The following NRG2 variants were observed in gnomAD, a reference collection of about 807,000 sequenced individuals.
The protein encoded by NRG2 is pro-neuregulin-2, membrane-bound isoform.
A neutral mutation model predicts 73.9 loss-of-function variants in NRG2; 27 were observed. The ratio of observed to expected loss-of-function variants is 0.37; its 90% CI spans 0.27 to 0.50. NRG2 has a LOEUF of 0.50. NRG2 is among the 20% of genes least tolerant of loss of function. NRG2 has a pLI of 0.96. For synonymous variants in NRG2, 532 were observed against 541.0 expected (o/e 0.98, Z 0.23); for missense variants, 1,126 against 1,210.1 (o/e 0.93, Z 1.03).
Position 139,872,876 on chromosome 5 carries a change from C to T in NRG2, c.992-1035G>A, listed in dbSNP as rs140564089. 8.5e-5 allele frequency among the ~76,000 whole-genome samples: 13 copies of T among 152,336 alleles called. No individual in the cohort carries two copies. In the East Asian group the frequency reaches 2.5e-3, roughly 29 times the overall value. On this transcript the variant is annotated intron_variant, in intron 3 of 9. Coordinates refer to ENST00000361474, the MANE Select transcript of NRG2 (RefSeq NM_004883.3). ...CCAATCCGGACTGGACAGCCAGAAGCAGGTCCTGCTCCCCTCAGCTCCCAG... is the reference window on the plus strand; with the variant it reads ...CCAATCCGGACTGGACAGCCAGAAGTAGGTCCTGCTCCCCTCAGCTCCCAG...
chr5:139,961,003 A>G (rs1268846054), intron 1 of NRG2, among the ~76,000 whole-genome samples: 2 of 152,164 alleles, frequency 1.3e-5, no homozygotes, highest in Non-Finnish European at 2.9e-5. Context: ...AGTAATATGA[A>G]GATAATAGAA....
chr5:139,869,950 C>G lies in NRG2; in HGVS notation c.1112+1771G>C, dbSNP rs1025745613. Among the ~76,000 whole-genome samples the G allele has an allele frequency of 1.3e-5, 2 of 152,194 alleles. No individual in the cohort carries two copies. The highest frequency in any genetic ancestry group is 6.5e-5 in the Admixed American group (1 of 15,284). The stretch of plus-strand genomic sequence containing the variant: ...TGGCACCTGTCCTGAGGGGCCAGAA[C>G]CTTCCCTGCCCGGACGAGGGCTGAC... On this transcript the variant is annotated intron_variant, in intron 4 of 9. Coordinates refer to ENST00000361474, the MANE Select transcript of NRG2 (RefSeq NM_004883.3). The surrounding 1 kb of genome is among the most constrained non-coding windows in gnomAD (Gnocchi z 4.5).
chr5:139,984,728 C>T (rs1193135547), intron 1 of NRG2, among the ~76,000 whole-genome samples: 1 of 152,128 alleles, frequency 6.6e-6, no homozygotes, highest in Non-Finnish European at 1.5e-5. Flanking sequence ...GGAAGTTAGC[C>T]CATTTTATAG....
chr5:139,848,777 G>GCC, intron 9 of NRG2, 80 bp from the exon 10 acceptor site: 1 of 673,752 alleles, frequency 1.5e-6, no homozygotes, highest in Non-Finnish European at 2.1e-6. Flanking sequence ...GGGGTAGGGT[G>GCC]GGAGGGGCGG....
chr5:140,009,518 A>C (rs1317720420), intron 1 of NRG2, among the ~76,000 whole-genome samples: 1 of 152,220 alleles, frequency 6.6e-6, no homozygotes, highest in Non-Finnish European at 1.5e-5. Context: ...GAAAATACCA[A>C]AGAATGAAAT....
At chr5:140,034,284 G>A (rs1761351761) in intron 1 of NRG2, among the ~76,000 whole-genome samples, 1 of 151,832 alleles carries the variant, frequency 6.6e-6, no homozygotes, top group African/African-American at 2.4e-5. Flanking sequence ...CTAAACCCGG[G>A]TCCATCCAGA....
In NRG2 at chr5:139,868,151, A is replaced by G. The variant is rs1033805603; in HGVS notation, c.1113-2526T>C. 4.6e-5 allele frequency among the ~76,000 whole-genome samples: 7 copies of G among 152,118 alleles called. No homozygotes were observed. Among genetic ancestry groups the G allele is most frequent in the Non-Finnish European group, 5.9e-5 (4 of 68,000 alleles). ...GCACAGTGGGGGTGGTGGAAGGCTG[A>G]CAGCTACTGCTGTTCTTTGGGGTGC... is the stretch of plus-strand genomic sequence containing the variant. On this transcript the variant is annotated intron_variant, in intron 4 of 9. Transcript: ENST00000361474. This position sits in a 1 kb window ranked among gnomAD's most constrained non-coding sequence, Gnocchi z 4.2.
At chr5:140,039,310 G>T (rs2126710287) in intron 1 of NRG2, among the ~76,000 whole-genome samples, 1 of 152,210 alleles carries the variant, frequency 6.6e-6, no homozygotes, top group South Asian at 2.1e-4. Flanking sequence ...TTATAACATT[G>T]TACAGAATTG....
At chr5:139,956,130 A>G (rs1291312673) in intron 1 of NRG2, among the ~76,000 whole-genome samples, 1 of 152,122 alleles carries the variant, frequency 6.6e-6, no homozygotes. Flanking sequence ...TGTGTGCCTC[A>G]GGTCAGCAAC....
chr5:140,042,338 C>G (rs776436189), intron 1 of NRG2, 32 bp downstream of exon 1: 28 of 1,469,742 alleles, frequency 1.9e-5, no homozygotes, highest in Middle Eastern at 2.2e-4. Context: ...GCCCCTCCCC[C>G]CTTTCTCCAG....
rs536446805 is a variant in NRG2 at position 139,873,207 on chromosome 5, A to G, written c.992-1366T>C. 5.3e-5 allele frequency among the ~76,000 whole-genome samples: 8 copies of G among 152,206 alleles called. No individual in the cohort carries two copies. In the South Asian group the frequency reaches 1.7e-3, roughly 32 times the overall value. ...GGGCCGGCTTCACCATCCCCTCCAC[A>G]TCATGCCTGCTGCTGAGCTGGCATC... On this transcript the variant is annotated intron_variant, in intron 3 of 9. Coordinates refer to ENST00000361474, the MANE Select transcript of NRG2 (RefSeq NM_004883.3).
chr5:139,930,430 G>C (rs1044166243), intron 1 of NRG2, among the ~76,000 whole-genome samples: 1 of 152,180 alleles, frequency 6.6e-6, no homozygotes, highest in African/African-American at 2.4e-5. Flanking sequence ...GCAGGTGTAA[G>C]GTATGCTTGG....
Position 139,887,271 on chromosome 5 carries a change from T to C in NRG2, c.872+69A>G. The C allele has an allele frequency of 1.9e-6, 3 of 1,570,104 alleles. No homozygotes were observed. The highest frequency in any genetic ancestry group is 2.6e-6 in the Non-Finnish European group (3 of 1,149,570). The stretch of plus-strand genomic sequence containing the variant: ...GGCACAGCCCTGGCCTCTGCCCAGT[T>C]CAGGCCACTCCTTCTCGAGAGGAGG... On this transcript the variant is annotated intron_variant, in intron 2 of 9. Transcript: ENST00000361474. The surrounding 1 kb of genome is among the most constrained non-coding windows in gnomAD (Gnocchi z 4.5).
At chr5:139,937,813 C>T (rs549046761) in intron 1 of NRG2, among the ~76,000 whole-genome samples, 5 of 152,134 alleles carry the variant, frequency 3.3e-5, no homozygotes, top group Non-Finnish European at 7.4e-5. Flanking sequence ...ACTGAAACTA[C>T]ACAATGAAAA....
intron 1 of NRG2, among the ~76,000 whole-genome samples, chr5:139,997,428 C>T (rs1421456101): frequency 6.6e-6 from 1 of 152,238 alleles, no homozygotes; most frequent in Non-Finnish European, 1.5e-5. Flanking sequence ...CCATTTGATA[C>T]ATGGACTGCC....
rs1314848655 is a variant in NRG2, at chr5:139,852,730, C to T, written c.1417-171G>A. Among the ~76,000 whole-genome samples the T allele has an allele frequency of 1.3e-5, 2 of 152,174 alleles. No individual in the cohort carries two copies. The highest frequency in any genetic ancestry group is 4.8e-5 in the African/African-American group (2 of 41,442). On this transcript the variant is annotated intron_variant, in intron 7 of 9. Transcript: ENST00000361474. This position sits in a 1 kb window ranked among gnomAD's most constrained non-coding sequence, Gnocchi z 4.4. ...TGGCTCCAGCAAATCAACCCCCACC[C>T]CTTCCTCATGGAAGTGAGCAAACCA... is the stretch of plus-strand genomic sequence containing the variant.
intron 2 of NRG2, among the ~76,000 whole-genome samples, chr5:139,885,908 C>T (rs74587461): frequency 1.9e-3 from 294 of 152,028 alleles, no homozygotes; most frequent in Non-Finnish European, 2.6e-3. Flanking sequence ...AGGAGGGAGA[C>T]GGGACCCAAC....
intron 1 of NRG2, among the ~76,000 whole-genome samples, chr5:139,971,976 C>G (rs778544928): frequency 6.6e-6 from 1 of 151,964 alleles, no homozygotes; most frequent in Admixed American, 6.6e-5. Flanking sequence ...CTGCCAGATA[C>G]GAAAATGTAT....
intron 1 of NRG2, among the ~76,000 whole-genome samples, chr5:140,033,155 T>C (rs1235365569): frequency 6.6e-6 from 1 of 152,102 alleles, no homozygotes; most frequent in Non-Finnish European, 1.5e-5. Flanking sequence ...ATATTACAAC[T>C]CACTACAGAA....
Sources: allele counts gnomAD v4.1 joint callset (sites outside exome capture counted in the v4.1 genomes callset), GRCh38; gene constraint gnomAD v4.1.1; non-coding constraint Gnocchi (gnomAD v3.1); transcripts MANE v1.5; gene names NCBI Gene and HGNC (gene_info 2026-07-23, HGNC 2026-07-21).